The following GRID2 variants were observed in gnomAD, a reference collection of about 807,000 sequenced individuals.
The protein encoded by GRID2 is glutamate ionotropic receptor delta type subunit 2, also known as glutamate receptor ionotropic, delta-2.
Under a neutral mutation model 114.8 loss-of-function variants are expected in GRID2, and 33 were observed. The observed-to-expected ratio is 0.29, with a 90% CI of 0.22 to 0.38. The LOEUF is 0.38. Ranked by LOEUF, GRID2 falls within the 10% of genes least tolerant of loss-of-function variation. GRID2 has a pLI of 1.00. For synonymous variants in GRID2, 505 were observed against 449.9 expected (o/e 1.12, Z -1.55); for missense variants, 1,184 against 1,257.7 (o/e 0.94, Z 0.89).
intron 13 of GRID2, among the ~76,000 whole-genome samples, chr4:93,520,017 T>C (rs1730174798): frequency 6.6e-6 from 1 of 152,042 alleles, no homozygotes; most frequent in Admixed American, 6.6e-5. Flanking sequence ...AGATTAGTCA[T>C]AACAATATGG....
chr4:93,378,210 G>C (rs10022114), intron 8 of GRID2, among the ~76,000 whole-genome samples: 28,494 of 151,898 alleles, frequency 0.19, 5,038 homozygotes, highest in African/African-American at 0.47. Flanking sequence ...TAAATTCCTA[G>C]AATAAATCTT....
chr4:93,469,433 A>T (rs1489248754), intron 11 of GRID2, among the ~76,000 whole-genome samples: 1 of 151,892 alleles, frequency 6.6e-6, no homozygotes, highest in Non-Finnish European at 1.5e-5. Flanking sequence ...AAAGAAATTA[A>T]ATTGAATATT....
chr4:93,357,589 A>G (rs966927625), intron 8 of GRID2, among the ~76,000 whole-genome samples: 2 of 151,484 alleles, frequency 1.3e-5, no homozygotes, highest in African/African-American at 4.8e-5. Flanking sequence ...TTATATTGCT[A>G]CAAAATATTT....
At chr4:92,385,900 G>GTGTA (rs1004982973) in intron 1 of GRID2, among the ~76,000 whole-genome samples, 11 of 61,090 alleles carry the variant, frequency 1.8e-4, no homozygotes, top group South Asian at 6.5e-4. Context: ...GTGTGTGTGT[G>GTGTA]TATATATATA....
intron 1 of GRID2, among the ~76,000 whole-genome samples, chr4:92,424,867 G>A (rs901631220): frequency 5.9e-5 from 9 of 151,802 alleles, no homozygotes; most frequent in Admixed American, 2.6e-4. Context: ...TTCAAAAGTT[G>A]CTTGTAACCA....
chr4:93,469,434 A>G (rs1724592684), intron 11 of GRID2, among the ~76,000 whole-genome samples: 1 of 152,008 alleles, frequency 6.6e-6, no homozygotes, highest in South Asian at 2.1e-4. Flanking sequence ...AAGAAATTAA[A>G]TTGAATATTT....
chr4:93,717,787 G>T (rs1042246484), intron 14 of GRID2, among the ~76,000 whole-genome samples: 1 of 152,084 alleles, frequency 6.6e-6, no homozygotes, highest in Admixed American at 6.6e-5. Context: ...AATCTTAAAA[G>T]CTTATTTTTT....
intron 2 of GRID2, among the ~76,000 whole-genome samples, chr4:93,023,157 T>A (rs1723555448): frequency 6.7e-6 from 1 of 150,322 alleles, no homozygotes; most frequent in Admixed American, 6.7e-5. Flanking sequence ...GTGTCTGTAT[T>A]GGGCATGTAT....
At chr4:92,589,722 C>G (rs1344706258) in intron 1 of GRID2, among the ~76,000 whole-genome samples, 1 of 151,988 alleles carries the variant, frequency 6.6e-6, no homozygotes, top group Admixed American at 6.6e-5. Flanking sequence ...AGGTTTGATT[C>G]CTATATATTC....
chr4:93,470,586 ATGTGT>A (rs758450675), intron 11 of GRID2, among the ~76,000 whole-genome samples: 48 of 152,072 alleles, frequency 3.2e-4, no homozygotes, highest in Non-Finnish European at 6.2e-4. Context: ...TATTATCGTG[ATGTGT>A]TGTGAGTTTA....
chr4:93,564,171 C>G (rs565188986), intron 13 of GRID2, among the ~76,000 whole-genome samples: 20 of 152,004 alleles, frequency 1.3e-4, no homozygotes, highest in Non-Finnish European at 2.4e-4. Flanking sequence ...TTTTAAAAAT[C>G]TATAAGTTTG....
chr4:93,110,731 G>T lies in GRID2; in HGVS notation c.530-17G>T. On this transcript the variant is annotated splice_polypyrimidine_tract_variant and intron_variant, in intron 3 of 15. Coordinates refer to ENST00000282020, the MANE Select transcript of GRID2 (RefSeq NM_001510.4). The stretch of plus-strand genomic sequence containing the variant: ...CAATAATTCACAGGTATTTTGATGG[G>T]CTTTTGATGTTTCCAGATATCCGTG... 6.5e-7 allele frequency: 1 copy of T among 1,546,790 alleles called. No homozygotes were observed. Among genetic ancestry groups the T allele is most frequent in the Non-Finnish European group, 8.9e-7 (1 of 1,118,574 alleles).
intron 2 of GRID2, chr4:92,822,387 A>G: frequency 3.3e-6 from 2 of 604,554 alleles, no homozygotes; most frequent in South Asian, 2.8e-5. Flanking sequence ...TTCAGCTTGC[A>G]GTTAGCCAGA....
chr4:92,932,044 T>C lies in GRID2; in HGVS notation c.245-152951T>C, dbSNP rs554027411. On this transcript the variant is annotated intron_variant, in intron 2 of 15. Coordinates refer to ENST00000282020, the MANE Select transcript of GRID2 (RefSeq NM_001510.4). ...AATTTGGAAGTAGGCAACGATTTCA[T>C]TGGCAAAAAATAAGAAGCATCAAGC... Among the ~76,000 whole-genome samples the C allele has an allele frequency of 3.9e-4, 59 of 151,376 alleles. 1 individual carries two copies. The highest frequency in any genetic ancestry group is 1.5e-3 in the South Asian group (7 of 4,826).
At chr4:93,240,871 A>G (rs1277746557) in intron 8 of GRID2, among the ~76,000 whole-genome samples, 2 of 151,552 alleles carry the variant, frequency 1.3e-5, no homozygotes, top group Non-Finnish European at 3.0e-5. Context: ...GAGTAGTCGC[A>G]TTCACCAATT....
intron 7 of GRID2, among the ~76,000 whole-genome samples, chr4:93,237,195 A>C (rs1396586772): frequency 6.6e-6 from 1 of 151,982 alleles, no homozygotes; most frequent in Non-Finnish European, 1.5e-5. Context: ...ATTTTTATTA[A>C]TAAAACTAGA....
intron 2 of GRID2, among the ~76,000 whole-genome samples, chr4:92,648,272 A>C (rs2149259474): frequency 6.7e-6 from 1 of 149,864 alleles, no homozygotes; most frequent in African/African-American, 2.5e-5. Flanking sequence ...TGAGGTAGGT[A>C]ATTATTAGTG....
intron 8 of GRID2, among the ~76,000 whole-genome samples, chr4:93,374,338 G>A (rs898850702): frequency 1.3e-5 from 2 of 152,156 alleles, no homozygotes; most frequent in African/African-American, 2.4e-5. Flanking sequence ...AATAGCAGGG[G>A]TGTTTACAGT....
intron 13 of GRID2, among the ~76,000 whole-genome samples, chr4:93,552,253 C>T (rs1215814454): frequency 6.6e-6 from 1 of 151,932 alleles, no homozygotes; most frequent in Non-Finnish European, 1.5e-5. Context: ...TGTATATGTG[C>T]CACATTTTCT....
Sources: allele counts gnomAD v4.1 joint callset (sites outside exome capture counted in the v4.1 genomes callset), GRCh38; gene constraint gnomAD v4.1.1; transcripts MANE v1.5; gene names NCBI Gene and HGNC (gene_info 2026-07-23, HGNC 2026-07-21).